CNTNAP2: variants seen among roughly 807,000 people sequenced by gnomAD.
The protein encoded by CNTNAP2 is contactin associated protein 2.
Under a neutral mutation model 155.2 loss-of-function variants are expected in CNTNAP2, and 98 were observed. The ratio of observed to expected loss-of-function variants is 0.63; its 90% CI spans 0.54 to 0.75. The LOEUF is 0.75. Among genes scored for constraint, CNTNAP2 ranks in the 30% least tolerant of loss-of-function variants. CNTNAP2 has a pLI of 0.00. For missense variants in CNTNAP2, 1,727 were observed against 1,688.1 expected, an observed-to-expected ratio of 1.02 and a Z score of -0.40; for synonymous variants, 651 against 631.2, an observed-to-expected ratio of 1.03 and a Z score of -0.47.
intron 15 of CNTNAP2, among the ~76,000 whole-genome samples, chr7:148,108,355 C>T (rs541397376): frequency 7.6e-6 from 1 of 131,192 alleles, no homozygotes; most frequent in East Asian, 3.0e-4. Context: ...AATGGAATTA[C>T]CAAAAAATTA....
At chr7:146,235,888 A>G (rs1441614971) in intron 1 of CNTNAP2, among the ~76,000 whole-genome samples, 1 of 152,140 alleles carries the variant, frequency 6.6e-6, no homozygotes, top group African/African-American at 2.4e-5. Context: ...GACTTGTCTT[A>G]TAACCAATTA....
At chr7:146,712,295 T>TTATGTATACTATATAGTATACATAAGA (rs1801103660) in intron 1 of CNTNAP2, among the ~76,000 whole-genome samples, 10 of 125,862 alleles carry the variant, frequency 7.9e-5, no homozygotes, top group African/African-American at 3.4e-4. Flanking sequence ...TATACATATC[T>TTATGTATACTATATAGTATACATAAGA]TATGTATACT....
rs1800743066 is a variant in CNTNAP2, at chr7:146,694,049, T to C, written c.98-80222T>C. The stretch of plus-strand genomic sequence containing the variant: ...TTTCACATAAAGTATGAATATTTGC[T>C]TCCTGGTTTTATGAAGCTAAAAATA... On this transcript the variant is annotated intron_variant, in intron 1 of 23. Transcript: ENST00000361727. 3.3e-5 allele frequency among the ~76,000 whole-genome samples: 5 copies of C among 152,186 alleles called. No homozygotes were observed. In the South Asian group the frequency reaches 1.0e-3, roughly 31 times the overall value.
rs1416247453 is a variant in CNTNAP2, at chr7:148,377,255, T to C, written c.3476-6394T>C. On this transcript the variant is annotated intron_variant, in intron 21 of 23. Transcript: ENST00000361727. ...TCAGGTGACCACTCACCTGTTGTAC[T>C]TCAGTCTGATTTTCCAAGGAGTATT... Among the ~76,000 whole-genome samples, 8 of 67,436 alleles carry C rather than the reference T, an allele frequency of 1.2e-4. 4 individuals carry two copies. The highest frequency in any genetic ancestry group is 8.3e-4 in the Admixed American group (4 of 4,838). The allele number at this position is 67,436 out of a possible 152,430, so 44.2% of individuals were successfully genotyped here.
chr7:146,963,832 G>A (rs10081175), intron 3 of CNTNAP2, among the ~76,000 whole-genome samples: 15,569 of 152,206 alleles, frequency 0.1, 955 homozygotes, highest in Middle Eastern at 0.16. Context: ...AGCTTATGAA[G>A]TTTAAATGGC....
chr7:148,216,631 G>A (rs1332918200), intron 18 of CNTNAP2, among the ~76,000 whole-genome samples: 2 of 151,768 alleles, frequency 1.3e-5, no homozygotes, highest in South Asian at 2.1e-4. Flanking sequence ...TTTTTTTCAG[G>A]GTATGTGAAT....
chr7:146,903,036 C>G (rs776563946), intron 3 of CNTNAP2, among the ~76,000 whole-genome samples: 1 of 152,268 alleles, frequency 6.6e-6, no homozygotes, highest in East Asian at 1.9e-4. Flanking sequence ...ACATATCTAC[C>G]GATATTGGGA....
chr7:147,688,362 G>A (rs6970355), intron 13 of CNTNAP2, among the ~76,000 whole-genome samples: 4,078 of 152,152 alleles, frequency 0.027, 252 homozygotes, highest in Admixed American at 0.15. Flanking sequence ...CTAAAACTCT[G>A]AAATGCGTGA....
chr7:148,404,441 G>C (rs540596271), intron 22 of CNTNAP2, among the ~76,000 whole-genome samples: 2 of 152,330 alleles, frequency 1.3e-5, no homozygotes, highest in East Asian at 3.9e-4. Flanking sequence ...GTCAACTGGA[G>C]GCATCAGGAA....
chr7:147,062,155 A>AAAAAAAAAAAAAAAAAAAAAC (rs1799693933), intron 4 of CNTNAP2, among the ~76,000 whole-genome samples: 1 of 138,330 alleles, frequency 7.2e-6, no homozygotes, highest in African/African-American at 2.8e-5. Flanking sequence ...AAAAAAAAAA[A>AAAAAAAAAAAAAAAAAAAAAC]AAAAAAAAAA....
intron 2 of CNTNAP2, among the ~76,000 whole-genome samples, chr7:146,778,996 A>G (rs1420044902): frequency 6.6e-6 from 1 of 152,190 alleles, no homozygotes; most frequent in South Asian, 2.1e-4. Flanking sequence ...TGGGGAAACG[A>G]TAACAGGCTA....
At chr7:147,604,689 G>T (rs997858145) in intron 12 of CNTNAP2, among the ~76,000 whole-genome samples, 2 of 152,052 alleles carry the variant, frequency 1.3e-5, no homozygotes, top group Non-Finnish European at 2.9e-5. Context: ...ACTATCAGAG[G>T]GTAAATAATG....
intron 10 of CNTNAP2, among the ~76,000 whole-genome samples, chr7:147,402,851 A>T (rs189117435): frequency 1.7e-4 from 25 of 151,018 alleles, no homozygotes; most frequent in African/African-American, 6.1e-4. Context: ...AGGCCATCAT[A>T]GGATTCCTAA....
chr7:147,854,794 TG>T (rs2116675510), intron 13 of CNTNAP2, among the ~76,000 whole-genome samples: 1 of 152,300 alleles, frequency 6.6e-6, no homozygotes, highest in Admixed American at 6.5e-5. Flanking sequence ...ATTTCAGGTA[TG>T]TGCATCTACT....
chr7:146,915,041 G>A (rs369968618), intron 3 of CNTNAP2, among the ~76,000 whole-genome samples: 10 of 152,126 alleles, frequency 6.6e-5, no homozygotes, highest in African/African-American at 2.4e-4. Flanking sequence ...CATGTGGCTT[G>A]TCAGTTATCC....
At chr7:148,082,535 G>A (rs1435589685) in intron 15 of CNTNAP2, among the ~76,000 whole-genome samples, 1 of 152,150 alleles carries the variant, frequency 6.6e-6, no homozygotes, top group Non-Finnish European at 1.5e-5. Context: ...AAATAAAGCT[G>A]ATGTGGAAGA....
chr7:147,405,765 T>A (rs2116476592), intron 10 of CNTNAP2, among the ~76,000 whole-genome samples: 1 of 152,292 alleles, frequency 6.6e-6, no homozygotes, highest in Middle Eastern at 3.4e-3. Context: ...TGTAAACATT[T>A]GCAGAGATTC....
chr7:146,457,528 A>G (rs1232325468), intron 1 of CNTNAP2, among the ~76,000 whole-genome samples: 3 of 70,578 alleles, frequency 4.3e-5, no homozygotes, highest in Non-Finnish European at 8.4e-5. Flanking sequence ...ATATATATAT[A>G]TATATATAGT....
chr7:147,542,661 A>C (rs543538286), intron 11 of CNTNAP2, among the ~76,000 whole-genome samples: 17 of 152,346 alleles, frequency 1.1e-4, no homozygotes, highest in Admixed American at 5.2e-4. Flanking sequence ...ACTTTCTTCC[A>C]TCACATGGTG....
Sources: gnomAD v4.1 joint callset for allele counts (sites outside exome capture counted in the v4.1 genomes callset) on GRCh38, gnomAD v4.1.1 for gene constraint, MANE v1.5 for transcripts, NCBI Gene and HGNC (gene_info 2026-07-23, HGNC 2026-07-21) for gene names.